TNRC6B: variants seen among roughly 807,000 people sequenced by gnomAD.
TNRC6B encodes trinucleotide repeat containing adaptor 6B, also known as trinucleotide repeat-containing gene 6B protein.
TNRC6B carries 52 observed loss-of-function variants against 203.6 expected under a neutral mutation model. The observed-to-expected ratio is 0.26, with a 90% CI of 0.20 to 0.32. The LOEUF is 0.32. Among genes scored for constraint, TNRC6B ranks in the 10% least tolerant of loss-of-function variants. The pLI is 1.00. For synonymous variants in TNRC6B, 838 were observed against 845.7 expected, an observed-to-expected ratio of 0.99 and a Z score of 0.16; for missense variants, 1,923 against 2,286.2, an observed-to-expected ratio of 0.84 and a Z score of 3.24.
rs749472036 is a variant in TNRC6B, at chr22:40,312,565, A to T, written c.4496A>T (p.Tyr1499Phe). ...AACATTGACCCTGAATCTGACCCCT[A>T]TGTCACCCCAGGAAGTGTGCTGGGG... ...IQNIDPESDP[Y>F]VTPGSVLGGT... The change falls in exon 18 of 23, where the codon TAT becomes TTT. Residue 1499 changes from tyrosine (Y) to phenylalanine (F), a missense_variant. This residue lies in a region of TNRC6B where 242 missense variants were observed against 399.5 expected (regional missense o/e 0.61). Transcript: ENST00000454349. The T allele has an allele frequency of 6.2e-7, 1 of 1,613,952 alleles. No individual in the cohort carries two copies. The highest frequency in any genetic ancestry group is 8.5e-7 in the Non-Finnish European group (1 of 1,179,964).
Position 40,300,439 on chromosome 22 carries a change from T to G in TNRC6B, c.3709-16T>G. 1 of 1,534,680 alleles carries G rather than the reference T, an allele frequency of 6.5e-7. No homozygotes were observed. The highest frequency in any genetic ancestry group is 1.4e-5 in the African/African-American group (1 of 71,276). The stretch of plus-strand genomic sequence containing the variant: ...AGATTCCTTTTCTTTTCTTTCTTTT[T>G]TATTTTTTTGGCTAGGTTTCTGCCT... On this transcript the variant is annotated splice_polypyrimidine_tract_variant and intron_variant, in intron 12 of 22. Coordinates refer to ENST00000454349, the MANE Select transcript of TNRC6B (RefSeq NM_001162501.2).
At chr22:40,068,266 A>G (rs973446948) in intron 1 of TNRC6B, among the ~76,000 whole-genome samples, 1 of 152,140 alleles carries the variant, frequency 6.6e-6, no homozygotes, top group Non-Finnish European at 1.5e-5. Flanking sequence ...GTGAATAGTG[A>G]ACCTTATAGT....
intron 1 of TNRC6B, among the ~76,000 whole-genome samples, chr22:40,206,372 A>T (rs1204162203): frequency 6.6e-6 from 1 of 152,190 alleles, no homozygotes; most frequent in Non-Finnish European, 1.5e-5. Context: ...AATACTAGAA[A>T]TGTGGGACCA....
intron 1 of TNRC6B, among the ~76,000 whole-genome samples, chr22:40,214,123 C>T (rs540549996): frequency 1.5e-4 from 23 of 152,048 alleles, no homozygotes; most frequent in South Asian, 6.2e-4. Context: ...AAAAACTAGC[C>T]GGGCGTGGTG....
chr22:40,056,813 AAG>A (rs1491011181), intron 1 of TNRC6B, among the ~76,000 whole-genome samples: 2 of 147,992 alleles, frequency 1.4e-5, no homozygotes, highest in African/African-American at 5.3e-5. Context: ...AAAAAAAAAA[AAG>A]AAAGAAAAAT....
chr22:40,149,679 C>CAAA (rs58482182), intron 3 of TNRC6B, among the ~76,000 whole-genome samples: 44 of 84,764 alleles, frequency 5.2e-4, no homozygotes, highest in Admixed American at 1.4e-3. Flanking sequence ...CCTCCCCCGC[C>CAAA]AAAAAAAAAA....
chr22:40,315,941 G>A lies in TNRC6B; in HGVS notation c.4904-1G>A. On this transcript the variant is annotated splice_acceptor_variant, in intron 20 of 22. Coordinates refer to ENST00000454349, the MANE Select transcript of TNRC6B (RefSeq NM_001162501.2). LOFTEE classifies it high-confidence loss of function. ...CTAACCATTTTTCTGGTTGCTCATA[G>A]CCTCTACCTGGAGTGATGGTGGCTC... 1 of 1,613,366 alleles carries A rather than the reference G, an allele frequency of 6.2e-7. No homozygotes were observed.
intron 12 of TNRC6B, among the ~76,000 whole-genome samples, chr22:40,294,971 C>T (rs774583510): frequency 1.3e-5 from 2 of 152,196 alleles, no homozygotes; most frequent in Non-Finnish European, 2.9e-5. Flanking sequence ...GAAAGTCAAA[C>T]AGATTTTTAA....
chr22:40,292,226 G>A (rs188791481), intron 12 of TNRC6B, among the ~76,000 whole-genome samples: 6 of 151,848 alleles, frequency 4.0e-5, no homozygotes, highest in East Asian at 1.9e-4. Flanking sequence ...GCGCACACCC[G>A]TCTGTCGTCC....
chr22:40,112,497 C>T (rs1225358067), intron 1 of TNRC6B, among the ~76,000 whole-genome samples: 4 of 152,082 alleles, frequency 2.6e-5, no homozygotes, highest in Admixed American at 6.5e-5. Flanking sequence ...CAGGAGGACC[C>T]GACACAGCCT....
chr22:40,079,283 C>T lies in TNRC6B; in HGVS notation c.-121+34285C>T, dbSNP rs569217715. 3.9e-5 allele frequency among the ~76,000 whole-genome samples: 6 copies of T among 152,218 alleles called. No individual in the cohort carries two copies. In the South Asian group the frequency reaches 1.0e-3, roughly 26 times the overall value. On this transcript the variant is annotated intron_variant, in intron 1 of 23. Coordinates refer to the TNRC6B transcript ENST00000301923. ...CCCTCATCCTGGAAGCTCTAAGATG[C>T]TTCTGGTGGGCGAGTGGGTGTTACA...
intron 4 of TNRC6B, among the ~76,000 whole-genome samples, chr22:40,162,819 G>T (rs888644073): frequency 2.0e-5 from 3 of 152,116 alleles, no homozygotes; most frequent in African/African-American, 7.2e-5. Context: ...TGGGGGAAAT[G>T]AGTTTTCTTT....
At chr22:40,062,590 C>G (rs2067862625) in intron 1 of TNRC6B, among the ~76,000 whole-genome samples, 1 of 152,174 alleles carries the variant, frequency 6.6e-6, no homozygotes, top group South Asian at 2.1e-4. Flanking sequence ...ATTTTACAAT[C>G]CTACCAGCAG....
intron 3 of TNRC6B, among the ~76,000 whole-genome samples, chr22:40,149,409 T>C (rs987492946): frequency 6.6e-6 from 1 of 152,012 alleles, no homozygotes; most frequent in Non-Finnish European, 1.5e-5. Context: ...TGGCTCACAC[T>C]TGTAATCCCA....
chr22:40,134,671 A>G (rs1463681089), intron 3 of TNRC6B, among the ~76,000 whole-genome samples: 3 of 152,158 alleles, frequency 2.0e-5, no homozygotes, highest in Non-Finnish European at 4.4e-5. Flanking sequence ...CTATGTAACA[A>G]ACCTGCATGT....
At chr22:40,154,795 C>T (rs1421534476) in intron 3 of TNRC6B, among the ~76,000 whole-genome samples, 8 of 130,032 alleles carry the variant, frequency 6.2e-5, no homozygotes, top group East Asian at 2.3e-4. Context: ...GAGCCGAGAT[C>T]GCACCACTGC....
intron 3 of TNRC6B, among the ~76,000 whole-genome samples, chr22:40,258,990 C>T (rs1296360550): frequency 6.6e-6 from 1 of 152,124 alleles, no homozygotes; most frequent in Non-Finnish European, 1.5e-5. Context: ...AGCAGGGCAG[C>T]CTTACAGAAA....
At chr22:40,177,602 A>C (rs572194846), upstream of TNRC6B, among the ~76,000 whole-genome samples, 1 of 152,312 alleles carries the variant, frequency 6.6e-6, no homozygotes, top group African/African-American at 2.4e-5. Context: ...TTGCCCAAAC[A>C]TCTAGAGAAT....
chr22:40,288,062 ATAAT>A lies in TNRC6B; in HGVS notation c.3708+2295_3708+2298del, dbSNP rs370319318. Among the ~76,000 whole-genome samples, 73 of 152,360 alleles carry A rather than the reference ATAAT, an allele frequency of 4.8e-4. 1 individual carries two copies. In the East Asian group the frequency reaches 0.011, roughly 22 times the overall value. On this transcript the variant is annotated intron_variant, in intron 12 of 22. Coordinates refer to ENST00000454349, the MANE Select transcript of TNRC6B (RefSeq NM_001162501.2). The stretch of plus-strand genomic sequence containing the variant: ...TTTGGGGGAAAGGCAGTTACTCTGA[ATAAT>A]TAGTTAGAGCTTGTTGAAACGTACA...
Sources: allele counts gnomAD v4.1 joint callset (sites outside exome capture counted in the v4.1 genomes callset), GRCh38; gene constraint gnomAD v4.1.1; regional missense constraint gnomAD v4.1.1; transcripts MANE v1.5; gene names NCBI Gene and HGNC (gene_info 2026-07-23, HGNC 2026-07-21).